Variants in C3orf52 observed in about 807,000 individuals in gnomAD.
The protein encoded by C3orf52 is TPA-induced transmembrane protein.
In C3orf52, 22 loss-of-function variants were observed where a neutral mutation model predicts 24.8. The observed-to-expected ratio is 0.89, with a 90% CI of 0.63 to 1.27. C3orf52 has a LOEUF of 1.27. Ranked by LOEUF, C3orf52 falls within the 50% of genes most tolerant of loss-of-function variation. The pLI is 0.00. For missense variants in C3orf52, 265 were observed against 260.7 expected, an observed-to-expected ratio of 1.02 and a Z score of -0.11; for synonymous variants, 93 against 100.2, an observed-to-expected ratio of 0.93 and a Z score of 0.43.
chr3:112,113,689 A>G (rs2074108482), intron 5 of C3orf52, among the ~76,000 whole-genome samples: 1 of 152,260 alleles, frequency 6.6e-6, no homozygotes, highest in Non-Finnish European at 1.5e-5. Context: ...TGACAAATTT[A>G]CTTGTCAACT....
chr3:112,105,251 A>G (rs2074012576), intron 3 of C3orf52, among the ~76,000 whole-genome samples: 1 of 152,218 alleles, frequency 6.6e-6, no homozygotes, highest in African/African-American at 2.4e-5. Flanking sequence ...GATTACATAA[A>G]AATAACTTGA....
At chr3:112,094,239 C>G (rs936900318) in intron 2 of C3orf52, among the ~76,000 whole-genome samples, 1 of 152,220 alleles carries the variant, frequency 6.6e-6, no homozygotes, top group African/African-American at 2.4e-5. Context: ...AAGTGATCTG[C>G]CTGCCTTGGC....
chr3:112,105,189 G>A lies in C3orf52; in HGVS notation c.396+2224G>A, dbSNP rs6793189. Among the ~76,000 whole-genome samples the A allele has an allele frequency of 5.9e-4, 90 of 152,228 alleles. 1 individual carries two copies. The highest frequency in any genetic ancestry group is 1.8e-3 in the African/African-American group (76 of 41,512). ...CAGATTTCTTTGAGCCAGTTTCTTC[G>A]CTGATAAATGGAAACCAGTGCACTT... On this transcript the variant is annotated intron_variant, in intron 3 of 5. Coordinates refer to ENST00000264848, the MANE Select transcript of C3orf52 (RefSeq NM_024616.3).
In C3orf52 at chr3:112,108,496, A is replaced by C. The variant is rs756332778; in HGVS notation, c.397-1047A>C. On this transcript the variant is annotated intron_variant, in intron 3 of 5. Transcript: ENST00000264848. ...GCATATGCCCATTGGAAACTCCCGC[A>C]TGTCCAAGAAGAGATGCATGGAGAC... 5.9e-5 allele frequency among the ~76,000 whole-genome samples: 9 copies of C among 152,340 alleles called. No homozygotes were observed. In the East Asian group the frequency reaches 1.7e-3, roughly 29 times the overall value.
downstream of C3orf52, chr3:112,129,339 G>A (rs1335550335): frequency 6.6e-6 from 1 of 152,118 alleles, no homozygotes; most frequent in African/African-American, 2.4e-5. Context: ...GCTTACACAT[G>A]GAGTTATAAG....
At chr3:112,125,926 C>T (rs1238462730) in intron 4 of C3orf52, among the ~76,000 whole-genome samples, 1 of 152,214 alleles carries the variant, frequency 6.6e-6, no homozygotes, top group Non-Finnish European at 1.5e-5. Context: ...ACCCTTGCTA[C>T]CCTCTTGCAA....
At chr3:112,134,518 C>A (rs550240481), downstream of C3orf52, 2 of 152,222 alleles carry the variant, frequency 1.3e-5, no homozygotes, top group South Asian at 2.1e-4. Flanking sequence ...GTAGGCCACA[C>A]CCCTGTCGCA....
chr3:112,106,830 A>T (rs898737285), intron 3 of C3orf52, among the ~76,000 whole-genome samples: 2 of 152,180 alleles, frequency 1.3e-5, no homozygotes, highest in Non-Finnish European at 2.9e-5. Flanking sequence ...TGCATGGGTT[A>T]GGAGTTAATG....
chr3:112,090,789 A>G (rs2073870520), intron 1 of C3orf52, among the ~76,000 whole-genome samples: 1 of 152,202 alleles, frequency 6.6e-6, no homozygotes, highest in African/African-American at 2.4e-5. Context: ...ATTTGAAACT[A>G]GATATTTCCT....
chr3:112,086,668 G>A, intron 1 of C3orf52, 123 bp downstream of exon 1: 3 of 1,273,746 alleles, frequency 2.4e-6, no homozygotes, highest in South Asian at 3.0e-5. Context: ...GAGCGAGGGT[G>A]GGGCGCGCTC....
In C3orf52 at chr3:112,091,271, A is replaced by G. The variant is rs73856369; in HGVS notation, c.139-2089A>G. Among the ~76,000 whole-genome samples the G allele has an allele frequency of 4.6e-3, 701 of 152,328 alleles. 5 individuals carry two copies. Among genetic ancestry groups the G allele is most frequent in the African/African-American group, 0.015 (627 of 41,562 alleles). The stretch of plus-strand genomic sequence containing the variant: ...GTAGAAGGCACAGGTGTGGAATATA[A>G]GAACAGGGCAGTTTAAGAGCACCCC... On this transcript the variant is annotated intron_variant, in intron 1 of 5. Transcript: ENST00000264848.
chr3:112,123,579 G>A (rs2074241848), intron 4 of C3orf52: 3 of 1,614,074 alleles, frequency 1.9e-6, no homozygotes, highest in Non-Finnish European at 2.5e-6. Context: ...GGCATGCCTG[G>A]GGTCTGTAGA....
chr3:112,121,372 A>G (rs2074195958), downstream of C3orf52: 1 of 152,200 alleles, frequency 6.6e-6, no homozygotes, highest in African/African-American at 2.4e-5. Flanking sequence ...CGTACATCAT[A>G]AAAGATTTTT....
chr3:112,093,555 C>A (rs1576135141), intron 2 of C3orf52, 66 bp downstream of exon 2: 2 of 1,461,218 alleles, frequency 1.4e-6, no homozygotes, highest in South Asian at 1.3e-5. Context: ...GTGACTTACA[C>A]TGAAATGGAA....
At chr3:112,112,889 A>AAAAG in intron 4 of C3orf52, 75 bp from the exon 5 acceptor site, 1 of 1,189,026 alleles carries the variant, frequency 8.4e-7, no homozygotes, top group Non-Finnish European at 1.2e-6. Flanking sequence ...AAAAAAAAAA[A>AAAAG]GTTATTGCTT....
At position 112,089,363 on chromosome 3, in the gene C3orf52, T is replaced by TA. The variant is rs200040857; in HGVS notation, c.138+2826dup. The stretch of plus-strand genomic sequence containing the variant: ...CAACATGGAGAAACCCCGTCTCTAC[T>TA]AAAAAAAATACAAAATTAGCCGGGT... On this transcript the variant is annotated intron_variant, in intron 1 of 5. Transcript: ENST00000264848. 5.3e-5 allele frequency among the ~76,000 whole-genome samples: 8 copies of TA among 151,272 alleles called. No individual in the cohort carries two copies. The Middle Eastern group carries it at 0.014, about 259-fold the overall frequency.
downstream of C3orf52, chr3:112,135,286 T>C (rs1348468795): frequency 6.6e-6 from 1 of 152,200 alleles, no homozygotes; most frequent in Non-Finnish European, 1.5e-5. Flanking sequence ...CACTGTAGGT[T>C]CAATGGTAAG....
chr3:112,115,203 G>A (rs1383627997), intron 5 of C3orf52, among the ~76,000 whole-genome samples: 1 of 152,200 alleles, frequency 6.6e-6, no homozygotes, highest in Non-Finnish European at 1.5e-5. Context: ...TTTTCAGAAT[G>A]TGAGTGTCAC....
downstream of C3orf52, chr3:112,130,756 A>G: frequency 1.9e-6 from 1 of 528,724 alleles, no homozygotes; most frequent in Non-Finnish European, 3.4e-6. Context: ...TGAACAAGTG[A>G]TCCTAAATCA....
Sources: gnomAD v4.1 joint callset for allele counts (sites outside exome capture counted in the v4.1 genomes callset) on GRCh38, gnomAD v4.1.1 for gene constraint, MANE v1.5 for transcripts, NCBI Gene and HGNC (gene_info 2026-07-23, HGNC 2026-07-21) for gene names.